Variants in FHOD1 observed in about 807,000 individuals in gnomAD.
FHOD1 encodes formin homology 2 domain containing 1.
A neutral mutation model predicts 111.6 loss-of-function variants in FHOD1; 89 were observed. That is an observed-to-expected ratio of 0.80 (90% CI 0.67 to 0.95). The LOEUF (loss-of-function observed/expected upper bound fraction) is 0.95, where lower values mean the gene tolerates loss of function less well. Among genes scored for constraint, FHOD1 ranks in the 40% least tolerant of loss-of-function variants. FHOD1 has a pLI of 0.00. For synonymous variants in FHOD1, 618 were observed against 639.0 expected (o/e 0.97, Z 0.50); for missense variants, 1,446 against 1,554.2 (o/e 0.93, Z 1.17).
In FHOD1 at chr16:67,237,704, T is replaced by C. The variant is rs2034543400; in HGVS notation, c.707A>G (p.Asn236Ser). 6.2e-7 allele frequency: 1 copy of C among 1,614,138 alleles called. No homozygotes were observed. Among genetic ancestry groups the C allele is most frequent in the African/African-American group, 1.3e-5 (1 of 75,032 alleles). Residue 236 changes from asparagine (N) to serine (S), a missense_variant, in exon 7 of 22, where the codon AAC becomes AGC. By Grantham distance (46) the Asn-to-Ser change is conservative. Transcript: ENST00000258201. The surrounding 1 kb of genome is among the most constrained non-coding windows in gnomAD (Gnocchi z 5.6). Reference protein sequence around the residue: ...LLVFVEYSENNAPLFIRAVNS... With the variant: ...LLVFVEYSENSAPLFIRAVNS... ...CACTGCACGGATGAACAGCGGTGCG[T>C]TGTTTTCGGAGTATTCTACAAACAC...
At chr16:67,246,504 GC>G (rs1172810284) in intron 1 of FHOD1, among the ~76,000 whole-genome samples, 1 of 152,174 alleles carries the variant, frequency 6.6e-6, no homozygotes, top group Non-Finnish European at 1.5e-5. Context: ...AGTAGGGCAG[GC>G]CGGCTGTTTA....
intron 13 of FHOD1, 120 bp from the exon 14 acceptor site, chr16:67,232,314 G>C: frequency 1.1e-6 from 1 of 886,196 alleles, no homozygotes; most frequent in Non-Finnish European, 1.7e-6. Context: ...TCAGGAGATC[G>C]AGACCATCCT....
chr16:67,237,223 G>A lies in FHOD1; in HGVS notation c.993+16C>T, dbSNP rs761023852. ...CCCTCTTTCCAATCCGCCTCAGAGC[G>A]TAAGGCCCGGCCCACCTCGTAGAGC... On this transcript the variant is annotated intron_variant, in intron 9 of 21. Coordinates refer to ENST00000258201, the MANE Select transcript of FHOD1 (RefSeq NM_013241.3). The surrounding 1 kb of genome is among the most constrained non-coding windows in gnomAD (Gnocchi z 5.6). 2.2e-5 allele frequency: 36 copies of A among 1,611,034 alleles called. No homozygotes were observed. The highest frequency in any genetic ancestry group is 3.0e-5 in the Non-Finnish European group (35 of 1,178,078).
At chr16:67,236,926 G>A in intron 10 of FHOD1, 40 bp downstream of exon 10, 1 of 1,530,830 alleles carries the variant, frequency 6.5e-7, no homozygotes, top group Non-Finnish European at 8.8e-7. Context: ...GCCATGCCTA[G>A]TAGATCCACC....
At chr16:67,236,360 G>A in intron 11 of FHOD1, 197 bp downstream of exon 11, 1 of 1,432,484 alleles carries the variant, frequency 7.0e-7, no homozygotes, top group Non-Finnish European at 9.1e-7. Context: ...GGAAACCACA[G>A]GAGGAGGAGA....
At chr16:67,234,778 T>G (rs984996450) in intron 11 of FHOD1, 3 of 343,668 alleles carry the variant, frequency 8.7e-6, no homozygotes, top group Admixed American at 4.3e-5. Context: ...GTTGGTTTTT[T>G]TTTTAGAGAC....
At position 67,234,409 on chromosome 16, in the gene FHOD1, G is replaced by A; in HGVS notation, c.1383C>T (p.Gly461=). ...ETEKQVALAQ[G]RAETLAGAMP... ...TGGCCCCGGCAAGTGTCTCTGCCCG[G>A]CCCTGGGCCAGCGCAACCTGCTTCT... The change falls in exon 12 of 22, where the codon GGC becomes GGT. Residue 461 remains glycine, a synonymous_variant. Transcript: ENST00000258201. 1 of 1,609,700 alleles carries A rather than the reference G, an allele frequency of 6.2e-7. No homozygotes were observed.
intron 1 of FHOD1, among the ~76,000 whole-genome samples, chr16:67,242,642 A>T (rs2034699309): frequency 6.6e-6 from 1 of 152,122 alleles, no homozygotes; most frequent in Non-Finnish European, 1.5e-5. Context: ...GTATGGGCCC[A>T]CTTCCCTGAC....
chr16:67,244,215 C>T (rs778108545), intron 1 of FHOD1, among the ~76,000 whole-genome samples: 18 of 152,158 alleles, frequency 1.2e-4, no homozygotes, highest in Non-Finnish European at 2.5e-4. Flanking sequence ...CTACCCGGAG[C>T]TCAGGGAGAA....
rs762626115 is a variant in FHOD1, at chr16:67,229,709, G to A, written c.3422C>T (p.Thr1141Met). The part of the protein sequence containing the change: ...SRGNRKSLRR[T>M]LKSGLGDDLV... ...GTCATCTCCGAGCCCACTCTTCAAC[G>A]TCCTTCTCACTGCAGGGACAGAGCA... The change falls in exon 22 of 22, where the codon ACG (threonine) becomes ATG (methionine). Residue 1141 changes from threonine (T) to methionine (M), a missense_variant. Around this residue, in one of 3 missense-constraint regions of FHOD1, gnomAD observed 1,085 missense variants for 1,108.8 expected, o/e 0.98. Transcript: ENST00000258201. 1.1e-5 allele frequency: 17 copies of A among 1,613,850 alleles called. No individual in the cohort carries two copies. The highest frequency in any genetic ancestry group is 2.2e-5 in the South Asian group (2 of 91,078).
At position 67,247,456 on chromosome 16, in the gene FHOD1, A is replaced by G; in HGVS notation, c.-46T>C. ...CAGCGCGCCTCCGAGTCCCGGCCCC[A>G]GTGCAGCTTCTACTCAAAGCACACT... On this transcript the variant is annotated 5_prime_UTR_variant, in exon 1 of 22. Transcript: ENST00000258201. The G allele has an allele frequency of 1.3e-6, 2 of 1,591,604 alleles. No homozygotes were observed. Among genetic ancestry groups the G allele is most frequent in the Non-Finnish European group, 1.7e-6 (2 of 1,167,134 alleles).
chr16:67,235,292 G>A (rs2034435812), intron 11 of FHOD1, among the ~76,000 whole-genome samples: 1 of 152,156 alleles, frequency 6.6e-6, no homozygotes, highest in Non-Finnish European at 1.5e-5. Flanking sequence ...CACTTTGGGA[G>A]GCAGAGGTGG....
Position 67,238,902 on chromosome 16 carries a change from C to T in FHOD1, c.373+1G>A. On this transcript the variant is annotated splice_donor_variant, in intron 3 of 21. Transcript: ENST00000258201. LOFTEE classifies it high-confidence loss of function. The surrounding 1 kb of genome is among the most constrained non-coding windows in gnomAD (Gnocchi z 4.2). ...GGACATGGATGCTCTCACACACTCA[C>T]CCAAGATAGCGTTGACCCTCACAGA... 1 of 1,614,180 alleles carries T rather than the reference C, an allele frequency of 6.2e-7. No homozygotes were observed. Among genetic ancestry groups the T allele is most frequent in the South Asian group, 1.1e-5 (1 of 91,090 alleles).
chr16:67,234,408 G>C lies in FHOD1; in HGVS notation c.1384C>G (p.Arg462Gly). ...TEKQVALAQG[R>G]AETLAGAMPN... Reference sequence around the variant, plus strand: ...ATGGCCCCGGCAAGTGTCTCTGCCCGGCCCTGGGCCAGCGCAACCTGCTTC... The same window carrying C: ...ATGGCCCCGGCAAGTGTCTCTGCCCCGCCCTGGGCCAGCGCAACCTGCTTC... The change falls in exon 12 of 22, where the codon CGG becomes GGG. Residue 462 changes from arginine to glycine, a missense_variant. Coordinates refer to ENST00000258201, the MANE Select transcript of FHOD1 (RefSeq NM_013241.3). The C allele has an allele frequency of 1.2e-6, 2 of 1,609,714 alleles. No homozygotes were observed. The highest frequency in any genetic ancestry group is 1.7e-6 in the Non-Finnish European group (2 of 1,179,400).
chr16:67,232,310 G>A (rs910395739), intron 13 of FHOD1, 116 bp from the exon 14 acceptor site: 1 of 919,362 alleles, frequency 1.1e-6, no homozygotes, highest in Non-Finnish European at 1.7e-6. Context: ...GAGGTCAGGA[G>A]ATCGAGACCA....
chr16:67,232,349 C>CT (rs2142267318), intron 13 of FHOD1, among the ~76,000 whole-genome samples, 155 bp from the exon 14 acceptor site: 1 of 152,116 alleles, frequency 6.6e-6, no homozygotes, highest in Admixed American at 6.5e-5. Flanking sequence ...AACCCCATCT[C>CT]TACTAAAAAT....
At chr16:67,246,448 G>T (rs1043690570) in intron 1 of FHOD1, among the ~76,000 whole-genome samples, 2 of 152,186 alleles carry the variant, frequency 1.3e-5, no homozygotes, top group African/African-American at 4.8e-5. Flanking sequence ...TCTGGAAAAG[G>T]GCCTCTTTCC....
rs781372321 is a variant in FHOD1 at position 67,230,156 on chromosome 16, G to A, written c.3124C>T (p.Pro1042Ser). The change falls in exon 20 of 22, where the codon CCA (proline) becomes TCA (serine). Residue 1042 changes from proline to serine, a missense_variant. Pro to Ser is a moderately conservative substitution (Grantham distance 74, BLOSUM62 -1). This residue lies in a region of FHOD1 where 1,085 missense variants were observed against 1,108.8 expected (regional missense o/e 0.98). Transcript: ENST00000258201. ...PSVPVAVSSGPGRGDADSHAS... is the reference protein window; with the variant it reads ...PSVPVAVSSGSGRGDADSHAS... ...TGACTGTCAGCATCTCCCCGGCCTG[G>A]CCCGCTGCTCACTGCTACTGGGACA... 1.2e-6 allele frequency: 2 copies of A among 1,614,196 alleles called. No homozygotes were observed. Among genetic ancestry groups the A allele is most frequent in the South Asian group, 2.2e-5 (2 of 91,090 alleles).
chr16:67,235,499 C>T (rs1013719893), intron 11 of FHOD1, among the ~76,000 whole-genome samples: 1 of 146,596 alleles, frequency 6.8e-6, no homozygotes, highest in African/African-American at 2.6e-5. Context: ...CACTGCACTC[C>T]AGCCTTGGAG....
Sources: allele counts gnomAD v4.1 joint callset (sites outside exome capture counted in the v4.1 genomes callset), GRCh38; gene constraint gnomAD v4.1.1; regional missense constraint gnomAD v4.1.1; non-coding constraint Gnocchi (gnomAD v3.1); transcripts MANE v1.5; gene names NCBI Gene and HGNC (gene_info 2026-07-23, HGNC 2026-07-21).